ATP2B4: variants seen among roughly 807,000 people sequenced by gnomAD.
The protein encoded by ATP2B4 is ATPase plasma membrane Ca2+ transporting 4.
In ATP2B4, 39 loss-of-function variants were observed where a neutral mutation model predicts 110.3. That is an observed-to-expected ratio of 0.35 (90% CI 0.27 to 0.46). ATP2B4 has a LOEUF of 0.46. ATP2B4 is among the 20% of genes least tolerant of loss of function. The pLI, the probability that ATP2B4 is intolerant of heterozygous loss-of-function variation, is 1.00. For synonymous variants in ATP2B4, 538 were observed against 571.7 expected, an observed-to-expected ratio of 0.94 and a Z score of 0.84; for missense variants, 1,135 against 1,530.9, an observed-to-expected ratio of 0.74 and a Z score of 4.32.
chr1:203,652,144 CTTTTT>C (rs112114077), intron 1 of ATP2B4, among the ~76,000 whole-genome samples: 1 of 126,222 alleles, frequency 7.9e-6, no homozygotes, highest in Non-Finnish European at 1.6e-5. Context: ...GCAACTTCTT[CTTTTT>C]TTTTTTTTTT....
intron 20 of ATP2B4, among the ~76,000 whole-genome samples, chr1:203,731,653 C>G (rs1666716375): frequency 6.6e-6 from 1 of 151,620 alleles, no homozygotes; most frequent in Non-Finnish European, 1.5e-5. Flanking sequence ...AGTTCGAGAC[C>G]AGCCTGGCCA....
intron 1 of ATP2B4, among the ~76,000 whole-genome samples, chr1:203,681,480 G>A (rs1000065561): frequency 1.3e-5 from 2 of 152,158 alleles, no homozygotes; most frequent in African/African-American, 2.4e-5. Context: ...TCGTCAGTGG[G>A]GACTACGTAA....
intron 10 of ATP2B4, among the ~76,000 whole-genome samples, chr1:203,708,760 T>C (rs1297129760): frequency 2.0e-5 from 3 of 151,680 alleles, no homozygotes; most frequent in Non-Finnish European, 4.4e-5. Flanking sequence ...GAAGCTGAGG[T>C]GGGAGGATCA....
Position 203,673,933 on chromosome 1 carries a change from G to A in ATP2B4, c.-464-8809G>A, listed in dbSNP as rs142722979. Among the ~76,000 whole-genome samples the A allele has an allele frequency of 8.8e-3, 1,337 of 152,244 alleles. 19 individuals carry two copies. The highest frequency in any genetic ancestry group is 0.027 in the African/African-American group (1,104 of 41,544). On this transcript the variant is annotated intron_variant, in intron 1 of 20. Coordinates refer to ENST00000357681, the MANE Select transcript of ATP2B4 (RefSeq NM_001684.5). ...GCATGACATGATTCTGCTGAAATTC[G>A]TTTCTAAAAATAACCTAGGATCCGA...
At chr1:203,683,575 C>T (rs923817154) in intron 2 of ATP2B4, among the ~76,000 whole-genome samples, 177 bp downstream of exon 2, 2 of 151,666 alleles carry the variant, frequency 1.3e-5, no homozygotes, top group African/African-American at 4.8e-5. Context: ...AGAACTGTAT[C>T]TTTCCCAGAG....
chr1:203,683,052 T>G lies in ATP2B4; in HGVS notation c.-154T>G. 1.3e-6 allele frequency: 1 copy of G among 770,076 alleles called. No homozygotes were observed. The highest frequency in any genetic ancestry group is 2.0e-6 in the Non-Finnish European group (1 of 491,986). The allele number at this position is 770,076 out of a possible 1,614,324, so 47.7% of individuals were successfully genotyped here. A position where few individuals can be genotyped will look rare whatever the true frequency, so the allele number is the denominator to read the frequency against. ...AGACTTCGGACGGCTACTCGGGAGCTTATTGCACAAGATATATTCAATCTA... is the reference window on the plus strand; with the variant it reads ...AGACTTCGGACGGCTACTCGGGAGCGTATTGCACAAGATATATTCAATCTA... On this transcript the variant is annotated 5_prime_UTR_variant, in exon 2 of 21. Transcript: ENST00000357681.
At chr1:203,662,855 G>A in intron 1 of ATP2B4, among the ~76,000 whole-genome samples, 1 of 152,188 alleles carries the variant, frequency 6.6e-6, no homozygotes, top group African/African-American at 2.4e-5. Flanking sequence ...AATTGAGTGT[G>A]CTGTTTATAA....
chr1:203,709,904 A>G (rs534279606), intron 11 of ATP2B4, among the ~76,000 whole-genome samples: 1 of 152,352 alleles, frequency 6.6e-6, no homozygotes, highest in South Asian at 2.1e-4. Flanking sequence ...AAACAGAGAT[A>G]GCCATACTCA....
chr1:203,694,179 ATCAC>A lies in ATP2B4; in HGVS notation c.194-3974_194-3971del, dbSNP rs552367790. Among the ~76,000 whole-genome samples the A allele has an allele frequency of 1.3e-4, 20 of 152,366 alleles. 1 individual carries two copies. The South Asian group carries it at 4.1e-3, about 32-fold the overall frequency. ...CACTTAAATGTTAGCAATCTTAGTT[ATCAC>A]TCATTCATTCAGTTCATTCTACAAA... On this transcript the variant is annotated intron_variant, in intron 2 of 20. Transcript: ENST00000357681.
At chr1:203,720,830 T>G (rs1666299168) in intron 16 of ATP2B4, 90 bp downstream of exon 16, 4 of 1,419,016 alleles carry the variant, frequency 2.8e-6, no homozygotes, top group Middle Eastern at 2.4e-4. Context: ...TACTGAAGAG[T>G]AAAGACAGCG....
chr1:203,657,234 A>G, intron 1 of ATP2B4: 1 of 725,552 alleles, frequency 1.4e-6, no homozygotes, highest in Admixed American at 2.2e-5. Flanking sequence ...TATTGGCCTG[A>G]TCAGTCTTTC....
At chr1:203,699,140 G>A (rs1012078083) in intron 3 of ATP2B4, among the ~76,000 whole-genome samples, 2 of 152,102 alleles carry the variant, frequency 1.3e-5, no homozygotes, top group Admixed American at 6.5e-5. Flanking sequence ...GCCACCAATT[G>A]TCTGGCATGA....
intron 3 of ATP2B4, among the ~76,000 whole-genome samples, chr1:203,698,686 C>G (rs1665606172): frequency 6.6e-6 from 1 of 151,822 alleles, no homozygotes; most frequent in South Asian, 2.1e-4. Flanking sequence ...CTCTGTCACC[C>G]AGGCTGGGTG....
In ATP2B4 at chr1:203,672,324, C is replaced by CTTTTTTTTT. The variant is rs57144862; in HGVS notation, c.-464-10394_-464-10386dup. 2.9e-4 allele frequency among the ~76,000 whole-genome samples: 23 copies of CTTTTTTTTT among 79,606 alleles called. 1 individual carries two copies. Among genetic ancestry groups the CTTTTTTTTT allele is most frequent in the Middle Eastern group, 8.5e-3 (1 of 118 alleles). The allele number at this position is 79,606 out of a possible 152,430, so 52.2% of individuals were successfully genotyped here. On this transcript the variant is annotated intron_variant, in intron 1 of 20. Coordinates refer to ENST00000357681, the MANE Select transcript of ATP2B4 (RefSeq NM_001684.5). ...TGTTCCTGAGTAAGTTGCGGTGGCT[C>CTTTTTTTTT]TTTTTTTTTTTTTTTTTTTTTTTTT...
Position 203,739,536 on chromosome 1 carries a change from C to G in ATP2B4, c.3310-10C>G, listed in dbSNP as rs768142552. On this transcript the variant is annotated splice_polypyrimidine_tract_variant and intron_variant, in intron 20 of 20. Transcript: ENST00000357681. ...ATTTTCTCATCCTCCTTTTCCTTCCCCTGGTATAGATCAAAGTGGTCAAAG... is the reference window on the plus strand; with the variant it reads ...ATTTTCTCATCCTCCTTTTCCTTCCGCTGGTATAGATCAAAGTGGTCAAAG... 2.7e-5 allele frequency: 44 copies of G among 1,610,378 alleles called. No homozygotes were observed. Among genetic ancestry groups the G allele is most frequent in the Middle Eastern group, 1.6e-4 (1 of 6,062 alleles).
At chr1:203,692,222 G>C (rs112389123) in intron 2 of ATP2B4, among the ~76,000 whole-genome samples, 23 of 151,978 alleles carry the variant, frequency 1.5e-4, no homozygotes, top group African/African-American at 5.6e-4. Flanking sequence ...CTGTTGCCCA[G>C]GCTGGAATGT....
In ATP2B4 at chr1:203,724,863, C is replaced by G. The variant is rs997623024; in HGVS notation, c.3132+875C>G. Among the ~76,000 whole-genome samples, 6 of 101,852 alleles carry G rather than the reference C, an allele frequency of 5.9e-5. 1 individual carries two copies. Among genetic ancestry groups the G allele is most frequent in the East Asian group, 6.1e-4 (2 of 3,294 alleles). 66.8% of individuals were successfully genotyped at this position (101,852 alleles called of 152,430 possible). ...TGACTGCCTGGGTTTGAATCCAGCT[C>G]TCTGTTTTTTTTTTTTTTTTTTTTT... On this transcript the variant is annotated intron_variant, in intron 19 of 20. Transcript: ENST00000357681.
At chr1:203,725,904 CTTTTTTTTTTTT>C (rs756184004) in intron 19 of ATP2B4, among the ~76,000 whole-genome samples, 1 of 93,382 alleles carries the variant, frequency 1.1e-5, no homozygotes. Context: ...CTTTTCTTTT[CTTTTTTTTTTTT>C]TTTTTTTTTT....
chr1:203,668,804 A>G (rs529324066), intron 1 of ATP2B4, among the ~76,000 whole-genome samples: 119 of 152,356 alleles, frequency 7.8e-4, no homozygotes, highest in South Asian at 3.1e-3. Context: ...TATCCAGGCA[A>G]GGATCAATCC....
Sources: allele counts gnomAD v4.1 joint callset (sites outside exome capture counted in the v4.1 genomes callset), GRCh38; gene constraint gnomAD v4.1.1; transcripts MANE v1.5; gene names NCBI Gene and HGNC (gene_info 2026-07-23, HGNC 2026-07-21).